The following GPC6 variants were observed in gnomAD, a reference collection of about 807,000 sequenced individuals.
GPC6 encodes the protein glypican-6.
GPC6 carries 14 observed loss-of-function variants against 55.2 expected under a neutral mutation model. The ratio of observed to expected loss-of-function variants is 0.25; its 90% CI spans 0.17 to 0.40. GPC6 has a LOEUF of 0.40. Among genes scored for constraint, GPC6 ranks in the 10% least tolerant of loss-of-function variants. The pLI is 1.00. For missense variants in GPC6, 641 were observed against 708.5 expected (o/e 0.90, Z 1.08); for synonymous variants, 278 against 259.6 (o/e 1.07, Z -0.68).
At chr13:93,285,732 A>G (rs1177948500) in intron 1 of GPC6, among the ~76,000 whole-genome samples, 1 of 151,864 alleles carries the variant, frequency 6.6e-6, no homozygotes, top group Non-Finnish European at 1.5e-5. Flanking sequence ...TTAAATAGTT[A>G]GCAAAACTCA....
At chr13:93,301,080 T>A (rs1157999775) in intron 1 of GPC6, among the ~76,000 whole-genome samples, 1 of 152,170 alleles carries the variant, frequency 6.6e-6, no homozygotes, top group Non-Finnish European at 1.5e-5. Context: ...TCCAACCCGG[T>A]TCCATTGGCA....
the GPC6 span, among the ~76,000 whole-genome samples, chr13:93,218,874 C>T: frequency 4.6e-5 from 7 of 152,090 alleles, no homozygotes; most frequent in South Asian, 8.3e-4. Flanking sequence ...TGAGAACCTA[C>T]GTAAATAAGA....
chr13:94,098,195 C>A (rs910253606), intron 4 of GPC6, among the ~76,000 whole-genome samples: 4 of 152,120 alleles, frequency 2.6e-5, no homozygotes, highest in African/African-American at 7.2e-5. Context: ...TCATAGGATT[C>A]TTGTTTCATA....
At position 93,227,573 on chromosome 13, in the gene GPC6, C is replaced by T; in HGVS notation, c.117C>T (p.Ala39=). The T allele has an allele frequency of 6.2e-7, 1 of 1,611,900 alleles. No individual in the cohort carries two copies. Among genetic ancestry groups the T allele is most frequent in the Non-Finnish European group, 8.5e-7 (1 of 1,179,378 alleles). ...GAGAGGTCCGCCAGGCGTACGGTGC[C>T]AAGGGATTCAGCCTGGCGGACATCC... ...SCGEVRQAYG[A]KGFSLADIPY... The change falls in exon 1 of 9, where the codon GCC becomes GCT. Residue 39 remains alanine, a synonymous_variant. Coordinates refer to ENST00000377047, the MANE Select transcript of GPC6 (RefSeq NM_005708.5). This position sits in a 1 kb window ranked among gnomAD's most constrained non-coding sequence, Gnocchi z 4.3.
At chr13:93,660,413 AG>A (rs1182902634) in intron 2 of GPC6, among the ~76,000 whole-genome samples, 7 of 152,144 alleles carry the variant, frequency 4.6e-5, no homozygotes, top group African/African-American at 1.7e-4. Flanking sequence ...CTTCTTGTTG[AG>A]TTGCAGTGAT....
chr13:93,400,108 G>C (rs1258296589), intron 1 of GPC6, among the ~76,000 whole-genome samples: 1 of 152,132 alleles, frequency 6.6e-6, no homozygotes, highest in Non-Finnish European at 1.5e-5. Flanking sequence ...GGTTGACGGG[G>C]AGATGCAGCT....
intron 3 of GPC6, among the ~76,000 whole-genome samples, chr13:93,871,481 G>A (rs1260898318): frequency 6.6e-6 from 1 of 152,036 alleles, no homozygotes; most frequent in East Asian, 2.0e-4. Context: ...TGTTTGATCT[G>A]TGCTCATCGT....
intron 5 of GPC6, among the ~76,000 whole-genome samples, chr13:94,304,622 G>C (rs1875845909): frequency 6.6e-6 from 1 of 152,210 alleles, no homozygotes; most frequent in African/African-American, 2.4e-5. Flanking sequence ...AAAGTTTCCT[G>C]AAAATGTTAC....
At chr13:93,930,958 T>G (rs1174307573) in intron 3 of GPC6, among the ~76,000 whole-genome samples, 1 of 152,180 alleles carries the variant, frequency 6.6e-6, no homozygotes, top group African/African-American at 2.4e-5. Context: ...AGCAGATCTT[T>G]TATGGCTGGA....
chr13:93,462,907 C>G (rs1878752768), intron 1 of GPC6, among the ~76,000 whole-genome samples: 1 of 152,152 alleles, frequency 6.6e-6, no homozygotes, highest in Non-Finnish European at 1.5e-5. Context: ...TGCCCCGCTT[C>G]TGCTCTACTT....
intron 4 of GPC6, among the ~76,000 whole-genome samples, chr13:94,247,592 G>A (rs781383491): frequency 6.6e-6 from 1 of 152,030 alleles, no homozygotes; most frequent in Non-Finnish European, 1.5e-5. Flanking sequence ...TTTTTTCTGT[G>A]TCCATTGATA....
intron 2 of GPC6, among the ~76,000 whole-genome samples, chr13:93,771,517 G>A (rs1036720289): frequency 1.6e-4 from 25 of 152,234 alleles, no homozygotes; most frequent in African/African-American, 5.8e-4. Flanking sequence ...GCTTTGAGGA[G>A]TCCCAGGATT....
intron 3 of GPC6, among the ~76,000 whole-genome samples, chr13:94,011,156 A>G (rs1371704528): frequency 6.6e-6 from 1 of 152,154 alleles, no homozygotes; most frequent in Non-Finnish European, 1.5e-5. Context: ...GGGTTTTTCC[A>G]GGGAAAAATT....
At chr13:94,147,922 T>A (rs1172271649) in intron 4 of GPC6, among the ~76,000 whole-genome samples, 1 of 152,160 alleles carries the variant, frequency 6.6e-6, no homozygotes, top group Non-Finnish European at 1.5e-5. Flanking sequence ...CCAAAGAGAA[T>A]CCAGTTTGAT....
At chr13:94,196,778 T>C (rs1297490750) in intron 4 of GPC6, among the ~76,000 whole-genome samples, 1 of 152,206 alleles carries the variant, frequency 6.6e-6, no homozygotes, top group Admixed American at 6.5e-5. Context: ...TTCCCATAAC[T>C]GCCACACAAC....
chr13:93,780,346 C>A (rs1885600294), intron 2 of GPC6, among the ~76,000 whole-genome samples: 1 of 151,952 alleles, frequency 6.6e-6, no homozygotes, highest in Admixed American at 6.6e-5. Context: ...TATGTCCCAC[C>A]ATATTAGATG....
At chr13:94,200,561 A>G (rs1311333086) in intron 4 of GPC6, among the ~76,000 whole-genome samples, 1 of 152,186 alleles carries the variant, frequency 6.6e-6, no homozygotes, top group Non-Finnish European at 1.5e-5. Flanking sequence ...AACTAGCTGA[A>G]GTCTATTTTA....
chr13:93,636,291 G>A (rs1270246369), intron 2 of GPC6, among the ~76,000 whole-genome samples: 2 of 152,130 alleles, frequency 1.3e-5, no homozygotes, highest in Non-Finnish European at 2.9e-5. Context: ...TCAAAGCATT[G>A]TTGGGATGAA....
intron 2 of GPC6, among the ~76,000 whole-genome samples, chr13:93,616,556 C>G (rs939867025): frequency 1.3e-5 from 2 of 151,944 alleles, no homozygotes; most frequent in Non-Finnish European, 2.9e-5. Context: ...TTGCAAGAGT[C>G]AAAGAAACAG....
Sources: allele counts gnomAD v4.1 joint callset (sites outside exome capture counted in the v4.1 genomes callset), GRCh38; gene constraint gnomAD v4.1.1; non-coding constraint Gnocchi (gnomAD v3.1); transcripts MANE v1.5; gene names NCBI Gene and HGNC (gene_info 2026-07-23, HGNC 2026-07-21).